The following UGT1A7 variants were observed in gnomAD, a reference collection of about 807,000 sequenced individuals.
The protein encoded by UGT1A7 is UDP glucuronosyltransferase family 1 member A7, also known as UDP-glucuronosyltransferase 1A7.
In UGT1A7, 33 loss-of-function variants were observed where a neutral mutation model predicts 45.6. That is an observed-to-expected ratio of 0.72 (90% confidence interval 0.55 to 0.97). The LOEUF is 0.97. Among genes scored for constraint, UGT1A7 ranks in the 50% least tolerant of loss-of-function variants. The pLI, the probability that UGT1A7 is intolerant of heterozygous loss-of-function variation, is 0.00. For synonymous variants in UGT1A7, 274 were observed against 250.6 expected, an observed-to-expected ratio of 1.09 and a Z score of -0.88; for missense variants, 684 against 666.2, an observed-to-expected ratio of 1.03 and a Z score of -0.29.
intron 1 of UGT1A7, chr2:233,691,412 G>GC: frequency 3.0e-6 from 3 of 985,558 alleles, no homozygotes; most frequent in Non-Finnish European, 3.6e-6. Context: ...CCTTGGAGTG[G>GC]CCCCTCTAAT....
At chr2:233,722,497 G>A (rs147743220) in intron 1 of UGT1A7, among the ~76,000 whole-genome samples, 12 of 152,166 alleles carry the variant, frequency 7.9e-5, no homozygotes, top group African/African-American at 2.9e-4. Flanking sequence ...TTCATTTTCC[G>A]TTTCGTTAAT....
intron 4 of UGT1A7, 33 bp downstream of exon 4, chr2:233,768,472 C>A: frequency 6.3e-7 from 1 of 1,596,838 alleles, no homozygotes; most frequent in South Asian, 1.1e-5. Flanking sequence ...ATACTTTGGT[C>A]ATGGCATTCA....
At chr2:233,710,699 G>A (rs1196566997) in intron 1 of UGT1A7, among the ~76,000 whole-genome samples, 1 of 152,144 alleles carries the variant, frequency 6.6e-6, no homozygotes, top group Non-Finnish European at 1.5e-5. Context: ...CTGGTGTGTG[G>A]TGTCCTTTGT....
chr2:233,686,504 G>A (rs1053789144), intron 1 of UGT1A7, among the ~76,000 whole-genome samples: 1 of 152,032 alleles, frequency 6.6e-6, no homozygotes, highest in Admixed American at 6.5e-5. Flanking sequence ...GGTGAGCCCA[G>A]GTGGAGCCTC....
Position 233,689,112 on chromosome 2 carries a change from A to G in UGT1A7, c.855+6320A>G, listed in dbSNP as rs1053496103. 3.3e-5 allele frequency among the ~76,000 whole-genome samples: 5 copies of G among 152,200 alleles called. No homozygotes were observed. The South Asian group carries it at 8.3e-4, about 25-fold the overall frequency. On this transcript the variant is annotated intron_variant, in intron 1 of 4. Coordinates refer to ENST00000373426, the MANE Select transcript of UGT1A7 (RefSeq NM_019077.3). ...TGTGCCCCTCCCCACTGCTCCTGGA[A>G]CCACAACCCACATTGTTACAAGCCC... is the stretch of plus-strand genomic sequence containing the variant.
intron 3 of UGT1A7, 130 bp from the exon 4 acceptor site, chr2:233,768,090 T>A (rs887845025): frequency 1.1e-5 from 18 of 1,591,432 alleles, no homozygotes; most frequent in Non-Finnish European, 1.5e-5. Flanking sequence ...CAACCCACAT[T>A]TTCTTCTGCA....
intron 1 of UGT1A7, among the ~76,000 whole-genome samples, chr2:233,726,860 T>G (rs1392432205): frequency 6.6e-6 from 1 of 152,244 alleles, no homozygotes; most frequent in East Asian, 1.9e-4. Context: ...CTCCATAGTC[T>G]TCTATTCTCC....
At chr2:233,754,607 T>G (rs1695531840) in intron 1 of UGT1A7, 1 of 435,160 alleles carries the variant, frequency 2.3e-6, no homozygotes, top group Admixed American at 2.6e-5. Flanking sequence ...AACTCAACTC[T>G]CCATCTTCCT....
chr2:233,713,925 T>C, intron 1 of UGT1A7: 1 of 1,612,092 alleles, frequency 6.2e-7, no homozygotes, highest in South Asian at 1.1e-5. Flanking sequence ...TGTATTTACT[T>C]ACAAGTGCTT....
intron 1 of UGT1A7, 98 bp from the exon 2 acceptor site, chr2:233,766,936 A>C: frequency 6.3e-7 from 1 of 1,586,086 alleles, no homozygotes; most frequent in Admixed American, 1.8e-5. Flanking sequence ...GCCTTTAATC[A>C]TAGTCTTAAG....
intron 1 of UGT1A7, chr2:233,747,103 T>G: frequency 7.3e-7 from 1 of 1,362,910 alleles, no homozygotes. Context: ...TATCTTCCAA[T>G]TACATGATGA....
At chr2:233,691,387 G>C in intron 1 of UGT1A7, 1 of 985,394 alleles carries the variant, frequency 1.0e-6, no homozygotes, top group Non-Finnish European at 1.2e-6. Flanking sequence ...TGTTCCCCAT[G>C]GGGGCCAGCC....
In UGT1A7 at chr2:233,713,451, T is replaced by G. The variant is rs779404172; in HGVS notation, c.855+30659T>G. 4.3e-5 allele frequency: 69 copies of G among 1,614,108 alleles called. 1 individual carries two copies. The highest frequency in any genetic ancestry group is 3.4e-4 in the South Asian group (31 of 91,046). On this transcript the variant is annotated intron_variant, in intron 1 of 4. Coordinates refer to ENST00000373426, the MANE Select transcript of UGT1A7 (RefSeq NM_019077.3). ...CTTTGATGTGGTTCTAACAGACCCC[T>G]TTCACCTCTGCGCGGCGGTGCTGGC...
intron 1 of UGT1A7, among the ~76,000 whole-genome samples, chr2:233,692,680 G>A (rs577931872): frequency 6.6e-6 from 1 of 152,264 alleles, no homozygotes; most frequent in South Asian, 2.1e-4. Context: ...AATTGGCAGG[G>A]GGTCCTCAGG....
chr2:233,690,583 C>T, intron 1 of UGT1A7: 2 of 1,283,576 alleles, frequency 1.6e-6, no homozygotes, highest in Non-Finnish European at 2.0e-6. Context: ...TGCAGCAATC[C>T]CTGAGAAAAA....
intron 1 of UGT1A7, chr2:233,755,057 C>G: frequency 7.5e-7 from 1 of 1,333,978 alleles, no homozygotes; most frequent in Non-Finnish European, 1.0e-6. Context: ...CCTCCGCCCT[C>G]GCCTCGCCAT....
At chr2:233,712,628 C>T (rs1420773341) in intron 1 of UGT1A7, among the ~76,000 whole-genome samples, 2 of 152,178 alleles carry the variant, frequency 1.3e-5, no homozygotes, top group Non-Finnish European at 2.9e-5. Flanking sequence ...CTCCTCAGAC[C>T]TCAGCTGCAG....
At chr2:233,746,562 C>A (rs1365442579) in intron 1 of UGT1A7, among the ~76,000 whole-genome samples, 1 of 151,750 alleles carries the variant, frequency 6.6e-6, no homozygotes. Context: ...GCCCCTAGAG[C>A]ACCACACCCT....
chr2:233,691,655 C>T (rs1025228632), intron 1 of UGT1A7: 1 of 984,752 alleles, frequency 1.0e-6, no homozygotes, highest in African/African-American at 1.8e-5. Context: ...GTGTGACCCT[C>T]CCTTTCTGGG....
Sources: allele counts gnomAD v4.1 joint callset (sites outside exome capture counted in the v4.1 genomes callset), GRCh38; gene constraint gnomAD v4.1.1; transcripts MANE v1.5; gene names NCBI Gene and HGNC (gene_info 2026-07-23, HGNC 2026-07-21).